Variants in TIE1 observed in about 807,000 individuals in gnomAD.
TIE1 encodes the protein tyrosine-protein kinase receptor Tie-1.
TIE1 carries 89 observed loss-of-function variants against 130.5 expected under a neutral mutation model. That is an observed-to-expected ratio of 0.68 (90% CI 0.57 to 0.81). TIE1 has a LOEUF of 0.81. Ranked by LOEUF, TIE1 falls within the 40% of genes least tolerant of loss-of-function variation. The pLI is 0.00. For synonymous variants in TIE1, 568 were observed against 629.4 expected (o/e 0.90, Z 1.46); for missense variants, 1,392 against 1,559.8 (o/e 0.89, Z 1.81).
intron 1 of TIE1, among the ~76,000 whole-genome samples, chr1:43,301,644 G>A (rs1167607453): frequency 1.3e-5 from 2 of 151,962 alleles, no homozygotes; most frequent in Non-Finnish European, 1.5e-5. Flanking sequence ...GGCCGAGCGG[G>A]TGGATCACAG....
At position 43,311,716 on chromosome 1, in the gene TIE1, G is replaced by C. The variant is rs774935698; in HGVS notation, c.1379G>C (p.Ser460Thr). 8 of 1,613,918 alleles carry C rather than the reference G, an allele frequency of 5.0e-6. No homozygotes were observed. Among genetic ancestry groups the C allele is most frequent in the Non-Finnish European group, 6.8e-6 (8 of 1,180,016 alleles). ...LAAPRLLTKQ[S>T]RQLVVSPLVS... Reference sequence around the variant, plus strand: ...GCACCTCGGCTCCTGACCAAGCAGAGCCGCCAGCTTGTGGTCTCCCCGCTG... The same window carrying C: ...GCACCTCGGCTCCTGACCAAGCAGACCCGCCAGCTTGTGGTCTCCCCGCTG... Residue 460 changes from serine to threonine, a missense_variant, in exon 10 of 23, where the codon AGC becomes ACC. Transcript: ENST00000372476.
rs376363853 is a variant in TIE1 at position 43,313,754 on chromosome 1, A to G, written c.2219-24A>G. ...GTTCCCTGACCCAGGTGTCCCCACA[A>G]TCTGCCCCTCTCACTGTGTCCAGGG... On this transcript the variant is annotated intron_variant, in intron 13 of 22. Transcript: ENST00000372476. The surrounding 1 kb of genome is among the most constrained non-coding windows in gnomAD (Gnocchi z 6.2). 41 of 1,595,882 alleles carry G rather than the reference A, an allele frequency of 2.6e-5. No individual in the cohort carries two copies. In the African/African-American group the frequency reaches 3.1e-4, roughly 12 times the overall value.
chr1:43,314,343 G>A (rs1646838246), intron 14 of TIE1: 1 of 1,150,936 alleles, frequency 8.7e-7, no homozygotes. Context: ...TGATCAAATG[G>A]AAGGGCACTT....
intron 1 of TIE1, among the ~76,000 whole-genome samples, chr1:43,304,203 G>A (rs1236813869): frequency 2.0e-5 from 3 of 152,206 alleles, no homozygotes; most frequent in Non-Finnish European, 4.4e-5. Context: ...CTTAAGTGCT[G>A]GGATTCCAGG....
At position 43,322,657 on chromosome 1, in the gene TIE1, G is replaced by A. The variant is rs1357529334; in HGVS notation, c.3352G>A (p.Val1118Met). 6.2e-7 allele frequency: 1 copy of A among 1,614,126 alleles called. No homozygotes were observed. The highest frequency in any genetic ancestry group is 1.7e-5 in the Admixed American group (1 of 60,026). The part of the protein sequence containing the change: ...GRMLEARKAY[V>M]NMSLFENFTY... The stretch of plus-strand genomic sequence containing the variant: ...AAGCTTGCTCTGCCCCCAGGCCTAT[G>A]TGAACATGTCGCTGTTTGAGAACTT... The change falls in exon 23 of 23, where the codon GTG becomes ATG. Residue 1118 changes from valine (V) to methionine (M), a missense_variant. Val to Met is a conservative substitution (Grantham distance 21, BLOSUM62 1). Transcript: ENST00000372476. The surrounding 1 kb of genome is among the most constrained non-coding windows in gnomAD (Gnocchi z 4.0).
At position 43,309,272 on chromosome 1, in the gene TIE1, T is replaced by G. The variant is rs1646764529; in HGVS notation, c.1189-116T>G. On this transcript the variant is annotated intron_variant, in intron 8 of 22. Coordinates refer to ENST00000372476, the MANE Select transcript of TIE1 (RefSeq NM_005424.5). This position sits in a 1 kb window ranked among gnomAD's most constrained non-coding sequence, Gnocchi z 6.3. ...ATTGCTCACATGAGGTCAGGCTGAT[T>G]GGTGAGGGGGCTGCCACTGGGCCTC... 2.6e-6 allele frequency: 4 copies of G among 1,511,462 alleles called. No individual in the cohort carries two copies. The East Asian group carries it at 9.1e-5, about 34-fold the overall frequency. 93.6% of individuals were successfully genotyped at this position (1,511,462 alleles called of 1,614,324 possible). A position where few individuals can be genotyped will look rare whatever the true frequency, so the allele number is the denominator to read the frequency against.
Position 43,317,912 on chromosome 1 carries a change from C to A in TIE1, c.2762C>A (p.Pro921His). ...GYLYIAIEYA[P>H]YGNLLDFLRK... ...TTGTATATCGCTATTGAATATGCCC[C>A]CTACGGGAACCTGCTAGATTTTCTG... Residue 921 changes from proline to histidine, a missense_variant, in exon 17 of 23, where the codon CCC (proline) becomes CAC (histidine). Physicochemically the swap from Pro to His is moderately conservative, Grantham distance 77 (BLOSUM62 -2). Around this residue, in one of 6 missense-constraint regions of TIE1, gnomAD observed 286 missense variants for 354.4 expected, o/e 0.81. Coordinates refer to ENST00000372476, the MANE Select transcript of TIE1 (RefSeq NM_005424.5). The surrounding 1 kb of genome is among the most constrained non-coding windows in gnomAD (Gnocchi z 5.1). The A allele has an allele frequency of 6.2e-7, 1 of 1,614,168 alleles. No individual in the cohort carries two copies.
At position 43,318,172 on chromosome 1, in the gene TIE1, G is replaced by C; in HGVS notation, c.2922+100G>C. The C allele has an allele frequency of 7.1e-7, 1 of 1,417,368 alleles. No individual in the cohort carries two copies. The highest frequency in any genetic ancestry group is 9.4e-7 in the Non-Finnish European group (1 of 1,066,108). 87.8% of individuals were successfully genotyped at this position (1,417,368 alleles called of 1,614,324 possible). A position where few individuals can be genotyped will look rare whatever the true frequency, so the allele number is the denominator to read the frequency against. On this transcript the variant is annotated intron_variant, in intron 17 of 22. Transcript: ENST00000372476. This position sits in a 1 kb window ranked among gnomAD's most constrained non-coding sequence, Gnocchi z 4.4. The stretch of plus-strand genomic sequence containing the variant: ...GCCCTGATTGTATCTGGGGATTGAG[G>C]TTCCTGGCCCAAGTGTGTGGGTGGG...
At position 43,312,233 on chromosome 1, in the gene TIE1, C is replaced by A; in HGVS notation, c.1631-72C>A. 1 of 1,513,254 alleles carries A rather than the reference C, an allele frequency of 6.6e-7. No homozygotes were observed. Among genetic ancestry groups the A allele is most frequent in the South Asian group, 1.3e-5 (1 of 74,596 alleles). The allele number at this position is 1,513,254 out of a possible 1,614,324, so 93.7% of individuals were successfully genotyped here. A position where few individuals can be genotyped will look rare whatever the true frequency, so the allele number is the denominator to read the frequency against. On this transcript the variant is annotated intron_variant, in intron 11 of 22. Transcript: ENST00000372476. The surrounding 1 kb of genome is among the most constrained non-coding windows in gnomAD (Gnocchi z 5.6). Reference sequence around the variant, plus strand: ...CCACTGGAGGTTGTTCTTCCTTGTTCACTGGGGATCATTGTCCTGTCCAGC... The same window carrying A: ...CCACTGGAGGTTGTTCTTCCTTGTTAACTGGGGATCATTGTCCTGTCCAGC...
Position 43,307,384 on chromosome 1 carries a change from GC to G in TIE1, c.773-45del. ...GGTAAGGGCGACAGGCAGGTCCTGG[GC>G]CCAGGGGCCCACAGAGGCCCATACA... is the stretch of plus-strand genomic sequence containing the variant. On this transcript the variant is annotated intron_variant, in intron 5 of 22. Coordinates refer to ENST00000372476, the MANE Select transcript of TIE1 (RefSeq NM_005424.5). This position sits in a 1 kb window ranked among gnomAD's most constrained non-coding sequence, Gnocchi z 5.4. 6.2e-7 allele frequency: 1 copy of G among 1,609,294 alleles called. No individual in the cohort carries two copies. The highest frequency in any genetic ancestry group is 1.7e-4 in the Middle Eastern group (1 of 5,880).
Position 43,307,171 on chromosome 1 carries a change from T to C in TIE1, c.670T>C (p.Cys224Arg). Residue 224 changes from cysteine (C) to arginine (R), a missense_variant, in exon 5 of 23, where the codon TGT (cysteine) becomes CGT (arginine). Around this residue, in one of 6 missense-constraint regions of TIE1, gnomAD observed 415 missense variants for 424.8 expected, o/e 0.98. Transcript: ENST00000372476. The surrounding 1 kb of genome is among the most constrained non-coding windows in gnomAD (Gnocchi z 5.4). The part of the protein sequence containing the change: ...GCGAGRWGPG[C>R]TKECPGCLHG... ...TGGGGCTGGGCGCTGGGGGCCAGGC[T>C]GTACCAAGGAGTGCCCAGGTTGCCT... 6.2e-7 allele frequency: 1 copy of C among 1,614,130 alleles called. No homozygotes were observed. Among genetic ancestry groups the C allele is most frequent in the Non-Finnish European group, 8.5e-7 (1 of 1,180,006 alleles).
At position 43,321,305 on chromosome 1, in the gene TIE1, C is replaced by T; in HGVS notation, c.3144C>T (p.Ser1048=). 1.2e-6 allele frequency: 2 copies of T among 1,614,032 alleles called. No homozygotes were observed. The highest frequency in any genetic ancestry group is 1.3e-5 in the African/African-American group (1 of 74,968). The change falls in exon 20 of 23, where the codon AGC becomes AGT. Residue 1048 remains serine, a synonymous_variant. Transcript: ENST00000372476. ...GAGTCCTTCTTTGGGAGATAGTGAG[C>T]CTTGGTGAGTTCCTGATCCCCGTCC... is the stretch of plus-strand genomic sequence containing the variant. ...SFGVLLWEIV[S]LGGTPYCGMT... is the part of the protein sequence containing the mutation.
intron 19 of TIE1, 122 bp from the exon 20 acceptor site, chr1:43,321,147 G>C: frequency 9.6e-7 from 1 of 1,042,488 alleles, no homozygotes; most frequent in South Asian, 1.3e-5. Context: ...GCCAAGGCCA[G>C]ATACTTACAG....
rs759542895 is a variant in TIE1 at position 43,305,060 on chromosome 1, C to T, written c.268C>T (p.Leu90Phe). Reference protein sequence around the residue: ...LARNGSHQVTLRGFSKPSDLV... With the variant: ...LARNGSHQVTFRGFSKPSDLV... ...GCGCAACGGTTCGCACCAGGTCACG[C>T]TTCGCGGCTTCTCCAAGCCCTCGGA... Residue 90 changes from leucine (L) to phenylalanine (F), a missense_variant, in exon 2 of 23, where the codon CTT (leucine) becomes TTT (phenylalanine). Physicochemically the swap from Leu to Phe is conservative, Grantham distance 22. Around this residue, in one of 6 missense-constraint regions of TIE1, gnomAD observed 415 missense variants for 424.8 expected, o/e 0.98. Transcript: ENST00000372476. The T allele has an allele frequency of 9.9e-6, 16 of 1,608,848 alleles. No homozygotes were observed. In the South Asian group the frequency reaches 1.8e-4, roughly 18 times the overall value.
In TIE1 at chr1:43,322,932, C is replaced by T. The variant is rs1646933932; in HGVS notation, c.*210C>T. 1 of 555,104 alleles carries T rather than the reference C, an allele frequency of 1.8e-6. No individual in the cohort carries two copies. Among genetic ancestry groups the T allele is most frequent in the Admixed American group, 3.1e-5 (1 of 32,080 alleles). 34.4% of individuals were successfully genotyped at this position (555,104 alleles called of 1,614,324 possible). On this transcript the variant is annotated 3_prime_UTR_variant, in exon 23 of 23. Coordinates refer to ENST00000372476, the MANE Select transcript of TIE1 (RefSeq NM_005424.5). This position sits in a 1 kb window ranked among gnomAD's most constrained non-coding sequence, Gnocchi z 4.0. ...GTGTCTCATAGCTATCCTGGGCATC[C>T]TTCTTTCTAGTTCAGCTGCCCCACA...
intron 14 of TIE1, chr1:43,314,271 G>T: frequency 1.2e-6 from 1 of 867,300 alleles, no homozygotes; most frequent in Non-Finnish European, 1.6e-6. Context: ...TCCGTCAATT[G>T]GAGATTTTCC....
At chr1:43,321,014 CAG>C (rs1296525364) in intron 19 of TIE1, 3 of 521,330 alleles carry the variant, frequency 5.8e-6, no homozygotes, top group Non-Finnish European at 9.9e-6. Context: ...GCCTGGGTGA[CAG>C]AGTGAGACCC....
In TIE1 at chr1:43,307,094, C is replaced by T. The variant is rs749588478; in HGVS notation, c.641-48C>T. On this transcript the variant is annotated intron_variant, in intron 4 of 22. Coordinates refer to ENST00000372476, the MANE Select transcript of TIE1 (RefSeq NM_005424.5). This position sits in a 1 kb window ranked among gnomAD's most constrained non-coding sequence, Gnocchi z 5.4. ...CTGGAGCCCCTGGATCTCCAGTCCT[C>T]AGTGGTCAGGTGGGTGAGGGTCAGC... 1 of 1,613,508 alleles carries T rather than the reference C, an allele frequency of 6.2e-7. No individual in the cohort carries two copies. Among genetic ancestry groups the T allele is most frequent in the Non-Finnish European group, 8.5e-7 (1 of 1,179,852 alleles).
Position 43,317,374 on chromosome 1 carries a change from G to C in TIE1, c.2585G>C (p.Gly862Ala). 6.2e-7 allele frequency: 1 copy of C among 1,614,028 alleles called. No individual in the cohort carries two copies. Among genetic ancestry groups the C allele is most frequent in the Non-Finnish European group, 8.5e-7 (1 of 1,180,012 alleles). The change falls in exon 15 of 23, where the codon GGG becomes GCG. Residue 862 changes from glycine (G) to alanine (A), a missense_variant. This residue lies in a region of TIE1 where 286 missense variants were observed against 354.4 expected (regional missense o/e 0.81). Transcript: ENST00000372476. This position sits in a 1 kb window ranked among gnomAD's most constrained non-coding sequence, Gnocchi z 5.1. ...QVIRAMIKKD[G>A]LKMNAAIKML... ...ATCCGGGCCATGATCAAGAAGGACG[G>C]GCTGAAGATGAACGCAGCCATCAAA...
Sources: gnomAD v4.1 joint callset for allele counts (sites outside exome capture counted in the v4.1 genomes callset) on GRCh38, gnomAD v4.1.1 for gene constraint, gnomAD v4.1.1 regional missense constraint, Gnocchi (gnomAD v3.1) non-coding constraint, MANE v1.5 for transcripts, NCBI Gene and HGNC (gene_info 2026-07-23, HGNC 2026-07-21) for gene names.